The following TG variants were observed in gnomAD, a reference collection of about 807,000 sequenced individuals.
TG encodes the protein thyroid hormones.
In TG, 270 loss-of-function variants were observed where a neutral mutation model predicts 324.7. The observed-to-expected ratio is 0.83, with a 90% confidence interval of 0.75 to 0.92. The LOEUF is 0.92. Among genes scored for constraint, TG ranks in the 40% least tolerant of loss-of-function variants. TG has a pLI of 0.00. For missense variants in TG, 3,591 were observed against 3,456.4 expected (o/e 1.04, Z -0.98); for synonymous variants, 1,401 against 1,327.0 (o/e 1.06, Z -1.21).
At position 132,869,838 on chromosome 8, in the gene TG, T is replaced by A; in HGVS notation, c.274+12T>A. On this transcript the variant is annotated intron_variant, in intron 3 of 47. Transcript: ENST00000220616. The stretch of plus-strand genomic sequence containing the variant: ...ACGGCCTGTGGCTTGTAAGTGGGAG[T>A]GGGGGACGTCCCTTGGAGGGACCCT... The A allele has an allele frequency of 6.2e-7, 1 of 1,612,432 alleles. No individual in the cohort carries two copies. Among genetic ancestry groups the A allele is most frequent in the Non-Finnish European group, 8.5e-7 (1 of 1,179,172 alleles).
Position 133,011,894 on chromosome 8 carries a change from C to T in TG, c.6263-7C>T. The T allele has an allele frequency of 1.2e-6, 2 of 1,614,214 alleles. No individual in the cohort carries two copies. The highest frequency in any genetic ancestry group is 1.7e-6 in the Non-Finnish European group (2 of 1,180,046). ...TGCATGTGACTGTCCGTTGCCTTCT[C>T]TCCTAGTGTCTCTGGACTCGTGGCA... On this transcript the variant is annotated splice_region_variant and splice_polypyrimidine_tract_variant and intron_variant, in intron 35 of 47. Coordinates refer to ENST00000220616, the MANE Select transcript of TG (RefSeq NM_003235.5).
At chr8:133,093,893 A>T (rs1847984734) in intron 41 of TG, among the ~76,000 whole-genome samples, 1 of 152,188 alleles carries the variant, frequency 6.6e-6, no homozygotes, top group African/African-American at 2.4e-5. Context: ...TGAGGGTCTG[A>T]TGAGCTGAAA....
chr8:132,928,687 G>A (rs949878079), intron 22 of TG, among the ~76,000 whole-genome samples: 1 of 151,996 alleles, frequency 6.6e-6, no homozygotes, highest in East Asian at 1.9e-4. Context: ...ACCTCATTTC[G>A]GAAAGAATTC....
intron 36 of TG, 45 bp downstream of exon 36, chr8:133,012,080 A>G (rs202024862): frequency 6.2e-7 from 1 of 1,613,208 alleles, no homozygotes; most frequent in Non-Finnish European, 8.5e-7. Flanking sequence ...ACAAAACCTC[A>G]CACAAGTGCT....
intron 41 of TG, among the ~76,000 whole-genome samples, chr8:133,089,209 C>T (rs1004570558): frequency 9.9e-5 from 15 of 152,174 alleles, no homozygotes; most frequent in African/African-American, 2.2e-4. Context: ...GTCAACTAGC[C>T]GAGCCACCAT....
intron 16 of TG, among the ~76,000 whole-genome samples, chr8:132,902,386 A>G (rs762769422): frequency 6.6e-6 from 1 of 151,996 alleles, no homozygotes; most frequent in Admixed American, 6.6e-5. Flanking sequence ...TTGTAAAGAG[A>G]TGGGAGGAGC....
intron 21 of TG, among the ~76,000 whole-genome samples, chr8:132,920,027 T>G (rs187618055): frequency 6.6e-6 from 1 of 152,190 alleles, no homozygotes; most frequent in Non-Finnish European, 1.5e-5. Flanking sequence ...TTGATCTTGG[T>G]TTTATCTGAT....
chr8:133,132,889 AGGAGGTCT>A (rs1852050187), intron 46 of TG, among the ~76,000 whole-genome samples: 1 of 152,238 alleles, frequency 6.6e-6, no homozygotes, highest in Non-Finnish European at 1.5e-5. Context: ...CTTCCAGGAA[AGGAGGTCT>A]GGGCAAATGC....
At position 132,955,224 on chromosome 8, in the gene TG, A is replaced by C. The variant is rs190748658; in HGVS notation, c.5402-5784A>C. On this transcript the variant is annotated intron_variant, in intron 27 of 47. Transcript: ENST00000220616. ...CAAGTCACTAGTGGATTGTAATGAA[A>C]GCAAGTCTCCAAATTCTGCCACACA... Among the ~76,000 whole-genome samples, 3 of 152,272 alleles carry C rather than the reference A, an allele frequency of 2.0e-5. No individual in the cohort carries two copies. In the East Asian group the frequency reaches 5.8e-4, roughly 29 times the overall value.
At chr8:133,079,378 G>A (rs34791956) in intron 41 of TG, among the ~76,000 whole-genome samples, 25,186 of 152,234 alleles carry the variant, frequency 0.17, 2,395 homozygotes, top group East Asian at 0.21. Flanking sequence ...TAAGTACTAC[G>A]CTGTGGTCAT....
intron 22 of TG, among the ~76,000 whole-genome samples, chr8:132,926,222 A>G (rs574052417): frequency 1.3e-5 from 2 of 152,294 alleles, no homozygotes; most frequent in East Asian, 1.9e-4. Context: ...CCTGAGAGGA[A>G]TTTGCTCCTT....
At chr8:133,098,079 G>A (rs1848700950) in intron 43 of TG, among the ~76,000 whole-genome samples, 1 of 152,078 alleles carries the variant, frequency 6.6e-6, no homozygotes, top group Non-Finnish European at 1.5e-5. Context: ...TTTCTGCCAA[G>A]CACTCACATA....
intron 40 of TG, 76 bp from the exon 41 acceptor site, chr8:133,029,745 C>T: frequency 1.3e-6 from 2 of 1,585,506 alleles, no homozygotes; most frequent in Admixed American, 1.7e-5. Context: ...TATATGCCTG[C>T]CATAGACAGC....
intron 41 of TG, chr8:133,050,736 A>C: frequency 1.1e-6 from 1 of 912,118 alleles, no homozygotes; most frequent in Non-Finnish European, 1.8e-6. Context: ...AGACCACTCT[A>C]GCTAACAATC....
intron 17 of TG, among the ~76,000 whole-genome samples, chr8:132,907,807 C>G (rs901203516): frequency 6.6e-6 from 1 of 152,162 alleles, no homozygotes; most frequent in African/African-American, 2.4e-5. Flanking sequence ...AGGTTGTGCA[C>G]TGAACAACCT....
intron 27 of TG, among the ~76,000 whole-genome samples, chr8:132,958,902 A>G (rs1827351145): frequency 6.6e-6 from 1 of 152,182 alleles, no homozygotes; most frequent in Middle Eastern, 3.2e-3. Flanking sequence ...TCTCCTCTGC[A>G]GTGTGGAGGA....
Position 132,886,513 on chromosome 8 carries a change from G to C in TG, c.1141G>C (p.Gly381Arg), listed in dbSNP as rs1249701351. ...GTCCAGACTCTACTTTGGGACCTCA[G>C]GCTACTTCAGCCAGCACGACCTGTT... is the stretch of plus-strand genomic sequence containing the variant. ...ALSRLYFGTS[G>R]YFSQHDLFSS... Residue 381 changes from glycine (G) to arginine (R), a missense_variant, in exon 9 of 48, where the codon GGC becomes CGC. Gly to Arg is a moderately radical substitution (Grantham distance 125). Transcript: ENST00000220616. 3.1e-6 allele frequency: 5 copies of C among 1,614,042 alleles called. No homozygotes were observed. The African/African-American group carries it at 6.7e-5, about 22-fold the overall frequency.
At chr8:132,881,758 C>G in intron 5 of TG, 105 bp from the exon 6 acceptor site, 1 of 793,236 alleles carries the variant, frequency 1.3e-6, no homozygotes, top group South Asian at 1.4e-5. Context: ...AGAAAGTAGA[C>G]ATTCCTTTTC....
chr8:133,086,564 A>G (rs1846598053), intron 41 of TG, among the ~76,000 whole-genome samples: 1 of 152,168 alleles, frequency 6.6e-6, no homozygotes, highest in African/African-American at 2.4e-5. Context: ...AAAAAACTAT[A>G]CCTTTTGACT....
Sources: allele counts gnomAD v4.1 joint callset (sites outside exome capture counted in the v4.1 genomes callset), GRCh38; gene constraint gnomAD v4.1.1; transcripts MANE v1.5; gene names NCBI Gene and HGNC (gene_info 2026-07-23, HGNC 2026-07-21).